MMRN1: variants seen among roughly 807,000 people sequenced by gnomAD.
The protein encoded by MMRN1 is multimerin-1.
In MMRN1, 94 loss-of-function variants were observed where a neutral mutation model predicts 100.7. The ratio of observed to expected loss-of-function variants is 0.93; its 90% CI spans 0.79 to 1.11. The LOEUF (loss-of-function observed/expected upper bound fraction) is 1.11. MMRN1 is among the 50% of genes least tolerant of loss of function. The pLI, the probability that MMRN1 is intolerant of heterozygous loss-of-function variation, is 0.00. For synonymous variants in MMRN1, 575 were observed against 505.0 expected (o/e 1.14, Z -1.86); for missense variants, 1,606 against 1,439.1 (o/e 1.12, Z -1.88).
intron 6 of MMRN1, 169 bp from the exon 7 acceptor site, chr4:89,951,436 G>GATTT (rs1723171047): frequency 1.9e-6 from 1 of 529,652 alleles, no homozygotes; most frequent in Admixed American, 3.8e-5. Context: ...AGAGCTAAGG[G>GATTT]ATTTGCATGA....
intron 6 of MMRN1, among the ~76,000 whole-genome samples, chr4:89,944,280 A>G (rs546422771): frequency 1.3e-5 from 2 of 152,322 alleles, no homozygotes; most frequent in South Asian, 2.1e-4. Context: ...TCCAAGAAGT[A>G]AAATTACTGG....
At chr4:89,927,019 T>A (rs1194434998) in intron 4 of MMRN1, among the ~76,000 whole-genome samples, 4 of 152,190 alleles carry the variant, frequency 2.6e-5, no homozygotes, top group African/African-American at 4.8e-5. Flanking sequence ...ACTGTTTTGG[T>A]TACTACAGCT....
chr4:89,888,069 T>G (rs995232407), intron 1 of MMRN1, among the ~76,000 whole-genome samples: 5 of 151,478 alleles, frequency 3.3e-5, no homozygotes. Context: ...ATAATATCAA[T>G]TATCTACATT....
intron 4 of MMRN1, among the ~76,000 whole-genome samples, 153 bp downstream of exon 4, chr4:89,923,425 A>G (rs1247094134): frequency 6.6e-6 from 1 of 152,242 alleles, no homozygotes; most frequent in Non-Finnish European, 1.5e-5. Flanking sequence ...GGATGTTGGG[A>G]GAAATTGTGG....
intron 1 of MMRN1, among the ~76,000 whole-genome samples, chr4:89,883,118 T>G (rs1720856903): frequency 6.6e-6 from 1 of 152,126 alleles, no homozygotes; most frequent in Non-Finnish European, 1.5e-5. Context: ...TTGCAGAATA[T>G]TATTTCATTG....
chr4:89,883,394 CA>C (rs1489653086), intron 1 of MMRN1, among the ~76,000 whole-genome samples: 1 of 152,034 alleles, frequency 6.6e-6, no homozygotes, highest in Non-Finnish European at 1.5e-5. Context: ...TCCCATCCAA[CA>C]TTTGGTGCTA....
At chr4:89,906,566 T>G (rs1250710144) in intron 1 of MMRN1, among the ~76,000 whole-genome samples, 1 of 151,600 alleles carries the variant, frequency 6.6e-6, no homozygotes, top group Non-Finnish European at 1.5e-5. Flanking sequence ...TACAAAGGAT[T>G]ACTAGGTTTA....
chr4:89,887,879 CAAATT>C (rs1217216438), intron 1 of MMRN1, among the ~76,000 whole-genome samples: 1 of 151,440 alleles, frequency 6.6e-6, no homozygotes, highest in Admixed American at 6.6e-5. Flanking sequence ...TCTCAACAGT[CAAATT>C]AAAAAAAAAT....
intron 1 of MMRN1, among the ~76,000 whole-genome samples, chr4:89,908,151 T>C (rs1366407773): frequency 6.6e-6 from 1 of 151,306 alleles, no homozygotes; most frequent in African/African-American, 2.4e-5. Flanking sequence ...CATCCTTCTG[T>C]GATGCAGTTT....
chr4:89,945,813 T>TA (rs1371752264), intron 6 of MMRN1, among the ~76,000 whole-genome samples: 2 of 152,070 alleles, frequency 1.3e-5, no homozygotes, highest in African/African-American at 2.4e-5. Flanking sequence ...TAAAGTAATA[T>TA]ATGAAGGGTT....
chr4:89,895,917 A>G (rs1721192151), intron 1 of MMRN1, among the ~76,000 whole-genome samples: 1 of 152,184 alleles, frequency 6.6e-6, no homozygotes, highest in South Asian at 2.1e-4. Context: ...GGATATGTTG[A>G]TTGTGTTCCC....
intron 1 of MMRN1, among the ~76,000 whole-genome samples, chr4:89,885,841 C>A (rs968341344): frequency 2.6e-5 from 4 of 151,890 alleles, no homozygotes; most frequent in African/African-American, 7.3e-5. Flanking sequence ...AAAATCAACT[C>A]CAAAAATTAT....
intron 6 of MMRN1, among the ~76,000 whole-genome samples, chr4:89,941,499 A>G (rs1470357035): frequency 1.3e-5 from 2 of 152,162 alleles, no homozygotes; most frequent in African/African-American, 2.4e-5. Context: ...ATACAAGCCC[A>G]TCAGATACTC....
At chr4:89,902,061 G>C (rs1335169152) in intron 1 of MMRN1, 1 of 151,326 alleles carries the variant, frequency 6.6e-6, no homozygotes, top group Non-Finnish European at 1.5e-5. Flanking sequence ...ACAACGCCCG[G>C]AATATGCTCA....
Position 89,940,827 on chromosome 4 carries a change from A to C in MMRN1, c.3118+4029A>C, listed in dbSNP as rs530495681. On this transcript the variant is annotated intron_variant, in intron 6 of 7. Transcript: ENST00000264790. ...TCTCAACATTTTCACTTAATATTTG[A>C]TATATAATTATTTCCATGCATCAAC... 3.3e-3 allele frequency among the ~76,000 whole-genome samples: 506 copies of C among 152,242 alleles called. 1 individual carries two copies. The highest frequency in any genetic ancestry group is 4.6e-3 in the Non-Finnish European group (314 of 68,008).
rs368250909 is a variant in MMRN1, at chr4:89,951,625, C to T, written c.3139C>T (p.Arg1047Trp). 1.3e-6 allele frequency: 2 copies of T among 1,531,328 alleles called. No homozygotes were observed. Among genetic ancestry groups the T allele is most frequent in the East Asian group, 2.5e-5 (1 of 40,568 alleles). The allele number at this position is 1,531,328 out of a possible 1,614,324, so 94.9% of individuals were successfully genotyped here. A position where few individuals can be genotyped will look rare whatever the true frequency, so the allele number is the denominator to read the frequency against. ...AACAGAGGAGTATTCAAGCTGTAGT[C>T]GGCATCCGTGCCAAAATGGGGGCAC... ...IYPEEYSSCS[R>W]HPCQNGGTCI... Residue 1047 changes from arginine (R) to tryptophan (W), a missense_variant, in exon 7 of 8, where the codon CGG becomes TGG. Arg to Trp is a moderately radical substitution (Grantham distance 101). Coordinates refer to ENST00000264790, the MANE Select transcript of MMRN1 (RefSeq NM_007351.3).
intron 3 of MMRN1, among the ~76,000 whole-genome samples, chr4:89,922,499 T>A (rs10516852): frequency 0.14 from 20,839 of 152,184 alleles, 2,046 homozygotes; most frequent in East Asian, 0.29. Flanking sequence ...TTCATGGGAA[T>A]TATTACTTGC....
intron 6 of MMRN1, among the ~76,000 whole-genome samples, chr4:89,945,256 T>A (rs1445906737): frequency 6.6e-6 from 1 of 152,164 alleles, no homozygotes; most frequent in Non-Finnish European, 1.5e-5. Context: ...TGAAGGATCT[T>A]TTTTTGGTTG....
At chr4:89,932,610 T>C (rs753352641) in intron 5 of MMRN1, among the ~76,000 whole-genome samples, 2 of 152,190 alleles carry the variant, frequency 1.3e-5, no homozygotes, top group Non-Finnish European at 2.9e-5. Context: ...AATCCTTGAC[T>C]TCTCTGCACC....
Sources: allele counts gnomAD v4.1 joint callset (sites outside exome capture counted in the v4.1 genomes callset), GRCh38; gene constraint gnomAD v4.1.1; transcripts MANE v1.5; gene names NCBI Gene and HGNC (gene_info 2026-07-23, HGNC 2026-07-21).